The following ARHGEF10L variants were observed in gnomAD, a reference collection of about 807,000 sequenced individuals.
ARHGEF10L encodes the protein Rho guanine nucleotide exchange factor 10 like.
A neutral mutation model predicts 141.2 loss-of-function variants in ARHGEF10L; 69 were observed. That is an observed-to-expected ratio of 0.49 (90% CI 0.40 to 0.60). ARHGEF10L has a LOEUF of 0.60. Among genes scored for constraint, ARHGEF10L ranks in the 20% least tolerant of loss-of-function variants. The pLI is 0.00. For missense variants in ARHGEF10L, 1,482 were observed against 1,734.3 expected (o/e 0.85, Z 2.58); for synonymous variants, 711 against 718.5 (o/e 0.99, Z 0.17).
At chr1:17,602,057 G>A (rs1378324024) in intron 4 of ARHGEF10L, 70 bp from the exon 5 acceptor site, 6 of 1,389,762 alleles carry the variant, frequency 4.3e-6, no homozygotes, top group Non-Finnish European at 5.8e-6. Context: ...CCGCTGACCA[G>A]GTGAGGGGCT....
In ARHGEF10L at chr1:17,615,075, A is replaced by G. The variant is rs2059736122; in HGVS notation, c.727-1019A>G. 6.6e-6 allele frequency: 1 copy of G among 152,222 alleles called. No individual in the cohort carries two copies. Among genetic ancestry groups the G allele is most frequent in the South Asian group, 2.1e-4 (1 of 4,830 alleles). 9.4% of individuals were successfully genotyped at this position (152,222 alleles called of 1,614,324 possible). On this transcript the variant is annotated intron_variant, in intron 8 of 28. Transcript: ENST00000361221. The surrounding 1 kb of genome is among the most constrained non-coding windows in gnomAD (Gnocchi z 4.7). ...GTGGCTCTTTAAATGGAAATTAACT[A>G]AAAGTAAATATAATTAGAAATTTGG...
intron 15 of ARHGEF10L, among the ~76,000 whole-genome samples, chr1:17,629,227 A>C (rs919005583): frequency 6.8e-6 from 1 of 147,948 alleles, no homozygotes; most frequent in African/African-American, 2.5e-5. Context: ...GGGTCTCACT[A>C]TGATGCCCAG....
chr1:17,564,413 C>G (rs1162297759), intron 1 of ARHGEF10L, among the ~76,000 whole-genome samples: 4 of 152,156 alleles, frequency 2.6e-5, no homozygotes, highest in African/African-American at 9.7e-5. Context: ...TCTGAGTCCC[C>G]CAAGTTCTCC....
chr1:17,545,279 C>A (rs2100652299), intron 1 of ARHGEF10L, among the ~76,000 whole-genome samples: 1 of 152,290 alleles, frequency 6.6e-6, no homozygotes, highest in South Asian at 2.1e-4. Context: ...ACCAGCACAC[C>A]ACTGGGAATC....
chr1:17,677,936 G>A (rs1011023924), intron 26 of ARHGEF10L, among the ~76,000 whole-genome samples: 2 of 152,126 alleles, frequency 1.3e-5, no homozygotes, highest in Admixed American at 6.5e-5. Flanking sequence ...TCACTCCCCT[G>A]CTGGGCCTCC....
intron 18 of ARHGEF10L, among the ~76,000 whole-genome samples, chr1:17,635,562 A>G (rs2060950720): frequency 6.6e-6 from 1 of 152,140 alleles, no homozygotes; most frequent in Admixed American, 6.5e-5. Context: ...CCTTTTGCCA[A>G]GTACTCTCCT....
chr1:17,634,083 G>C (rs1259297386), intron 16 of ARHGEF10L, among the ~76,000 whole-genome samples: 1 of 152,114 alleles, frequency 6.6e-6, no homozygotes, highest in African/African-American at 2.4e-5. Flanking sequence ...GTCTGGGCAG[G>C]GCTTATGGCT....
intron 1 of ARHGEF10L, among the ~76,000 whole-genome samples, chr1:17,547,705 C>G (rs994275051): frequency 6.6e-6 from 1 of 152,168 alleles, no homozygotes; most frequent in African/African-American, 2.4e-5. Flanking sequence ...TTAAAACAGG[C>G]ATTTGTTTTA....
intron 15 of ARHGEF10L, among the ~76,000 whole-genome samples, chr1:17,630,280 G>A (rs72921061): frequency 0.023 from 3,579 of 152,338 alleles, 144 homozygotes; most frequent in African/African-American, 0.08. Flanking sequence ...CCAGAGGGCC[G>A]TTTGTGCAAT....
intron 2 of ARHGEF10L, among the ~76,000 whole-genome samples, chr1:17,580,896 G>T (rs914310189): frequency 6.6e-6 from 1 of 152,184 alleles, no homozygotes; most frequent in African/African-American, 2.4e-5. Context: ...GAACACACGG[G>T]GGTCTCAGGC....
chr1:17,613,659 T>G (rs960976258), intron 8 of ARHGEF10L, among the ~76,000 whole-genome samples: 2 of 152,250 alleles, frequency 1.3e-5, no homozygotes, highest in African/African-American at 4.8e-5. Context: ...TTCAGAGGAA[T>G]CCAGGATAAG....
chr1:17,617,403 A>G (rs1037504825), intron 9 of ARHGEF10L, among the ~76,000 whole-genome samples: 2 of 152,176 alleles, frequency 1.3e-5, no homozygotes, highest in Non-Finnish European at 2.9e-5. Flanking sequence ...ACCAGGCTCC[A>G]GTCCATTCCT....
intron 1 of ARHGEF10L, among the ~76,000 whole-genome samples, chr1:17,577,706 C>T (rs942361301): frequency 9.2e-5 from 14 of 152,212 alleles, no homozygotes; most frequent in Admixed American, 7.8e-4. Flanking sequence ...GGAGGCAGTG[C>T]GATCAGAGGA....
At chr1:17,653,666 C>T (rs952603817) in intron 22 of ARHGEF10L, among the ~76,000 whole-genome samples, 2 of 152,228 alleles carry the variant, frequency 1.3e-5, no homozygotes, top group African/African-American at 4.8e-5. Flanking sequence ...CCCAGAGTGC[C>T]AAGGCCTCTG....
intron 1 of ARHGEF10L, among the ~76,000 whole-genome samples, chr1:17,568,659 A>G (rs1407735262): frequency 6.6e-6 from 1 of 152,130 alleles, no homozygotes; most frequent in Non-Finnish European, 1.5e-5. Context: ...AAGGAATACT[A>G]GGGGGAGTTT....
rs1406252428 is a variant in ARHGEF10L at position 17,634,573 on chromosome 1, C to T, written c.1745+11C>T. ...GCCTGCCAACCACAGGTACGTGGTT[C>T]AGGGGGCTCCGGGGCTCTGGGGCTC... On this transcript the variant is annotated intron_variant, in intron 17 of 28. Coordinates refer to ENST00000361221, the MANE Select transcript of ARHGEF10L (RefSeq NM_018125.4). 1.2e-6 allele frequency: 2 copies of T among 1,613,734 alleles called. No individual in the cohort carries two copies. Among genetic ancestry groups the T allele is most frequent in the Non-Finnish European group, 1.7e-6 (2 of 1,179,784 alleles).
At chr1:17,632,515 C>T (rs1005229469) in intron 16 of ARHGEF10L, 49 bp downstream of exon 16, 23 of 1,611,334 alleles carry the variant, frequency 1.4e-5, no homozygotes, top group Non-Finnish European at 1.9e-5. Flanking sequence ...CTGGAGACCC[C>T]ATCCCGCCCT....
At chr1:17,524,441 G>C in the ARHGEF10L span, among the ~76,000 whole-genome samples, 2 of 148,082 alleles carry the variant, frequency 1.4e-5, no homozygotes, top group Admixed American at 1.4e-4. Context: ...TGGTGTGGTG[G>C]CTCGCCTGTA....
chr1:17,627,648 G>A lies in ARHGEF10L; in HGVS notation c.1584+145G>A. ...TTGCTCTTCCAAGGATGTGACCTTG[G>A]GGATTGGATCCTCAGCGGGACCCCC... is the stretch of plus-strand genomic sequence containing the variant. On this transcript the variant is annotated intron_variant, in intron 15 of 28. Coordinates refer to ENST00000361221, the MANE Select transcript of ARHGEF10L (RefSeq NM_018125.4). This position sits in a 1 kb window ranked among gnomAD's most constrained non-coding sequence, Gnocchi z 4.0. 2.0e-6 allele frequency: 2 copies of A among 1,014,034 alleles called. No homozygotes were observed. Among genetic ancestry groups the A allele is most frequent in the Non-Finnish European group, 2.8e-6 (2 of 710,394 alleles). 62.8% of individuals were successfully genotyped at this position (1,014,034 alleles called of 1,614,324 possible).
Sources: gnomAD v4.1 joint callset for allele counts (sites outside exome capture counted in the v4.1 genomes callset) on GRCh38, gnomAD v4.1.1 for gene constraint, Gnocchi (gnomAD v3.1) non-coding constraint, MANE v1.5 for transcripts, NCBI Gene and HGNC (gene_info 2026-07-23, HGNC 2026-07-21) for gene names.